Variants in CSTPP1 observed in about 807,000 individuals in gnomAD.
CSTPP1 encodes centriolar satellite-associated tubulin polyglutamylase complex regulator 1.
chr11:47,156,519 G>A, the CSTPP1 span, among the ~76,000 whole-genome samples: 1 of 152,228 alleles, frequency 6.6e-6, no homozygotes, highest in African/African-American at 2.4e-5. Flanking sequence ...ACGCTTTCTT[G>A]AGGTAGAGAG....
chr11:47,099,173 G>A, the CSTPP1 span, among the ~76,000 whole-genome samples: 3 of 152,094 alleles, frequency 2.0e-5, no homozygotes, highest in Non-Finnish European at 4.4e-5. Context: ...AACTTTGAGC[G>A]AATTATTTAT....
the CSTPP1 span, among the ~76,000 whole-genome samples, chr11:46,940,647 A>C: frequency 6.6e-6 from 1 of 152,176 alleles, no homozygotes; most frequent in Non-Finnish European, 1.5e-5. Flanking sequence ...ATATATATAC[A>C]CATATATACA....
chr11:47,027,783 T>C, the CSTPP1 span, among the ~76,000 whole-genome samples: 1 of 152,352 alleles, frequency 6.6e-6, no homozygotes, highest in South Asian at 2.1e-4. Flanking sequence ...ATAGTCCCTG[T>C]TGGATTTCTT....
the CSTPP1 span, among the ~76,000 whole-genome samples, chr11:47,038,717 C>T: frequency 8.0e-6 from 1 of 124,276 alleles, no homozygotes; most frequent in African/African-American, 2.5e-5. Flanking sequence ...AGGTGGCTCC[C>T]GGGCAGAGAC....
the CSTPP1 span, among the ~76,000 whole-genome samples, chr11:47,024,757 T>C: frequency 6.6e-6 from 1 of 152,128 alleles, no homozygotes; most frequent in African/African-American, 2.4e-5. Context: ...TATCCCAGGA[T>C]CTTCAAAAAT....
At chr11:47,018,445 C>T in the CSTPP1 span, among the ~76,000 whole-genome samples, 1 of 151,982 alleles carries the variant, frequency 6.6e-6, no homozygotes, top group Non-Finnish European at 1.5e-5. Flanking sequence ...CAGGCACCTG[C>T]CACTGCGCCT....
chr11:46,984,906 C>T, the CSTPP1 span, among the ~76,000 whole-genome samples: 1 of 152,048 alleles, frequency 6.6e-6, no homozygotes, highest in African/African-American at 2.4e-5. Flanking sequence ...GTTTCCCTGG[C>T]CATTTTCCCT....
At chr11:46,940,444 T>C in the CSTPP1 span, among the ~76,000 whole-genome samples, 1,247 of 152,352 alleles carry the variant, frequency 8.2e-3, 135 homozygotes, top group East Asian at 0.2. Flanking sequence ...TTGCCCTTAA[T>C]AGGTGTTGTA....
chr11:47,133,013 A>C, the CSTPP1 span, among the ~76,000 whole-genome samples: 1 of 152,232 alleles, frequency 6.6e-6, no homozygotes, highest in African/African-American at 2.4e-5. Context: ...ACATTAACTC[A>C]TAACAACTCT....
chr11:47,148,447 GCCA>G, the CSTPP1 span, among the ~76,000 whole-genome samples: 1 of 152,132 alleles, frequency 6.6e-6, no homozygotes, highest in Non-Finnish European at 1.5e-5. Context: ...ACACCCTCCA[GCCA>G]CCACATGACT....
the CSTPP1 span, among the ~76,000 whole-genome samples, chr11:46,996,000 C>G: frequency 6.6e-6 from 1 of 152,144 alleles, no homozygotes; most frequent in Non-Finnish European, 1.5e-5. Flanking sequence ...GTTAGCTCTT[C>G]TTGTTGAATT....
At chr11:47,131,557 C>G in the CSTPP1 span, among the ~76,000 whole-genome samples, 1 of 152,178 alleles carries the variant, frequency 6.6e-6, no homozygotes, top group Non-Finnish European at 1.5e-5. Context: ...ATATAACCAA[C>G]AGAAGAATAT....
chr11:47,075,095 G>A, the CSTPP1 span, among the ~76,000 whole-genome samples: 2 of 152,216 alleles, frequency 1.3e-5, no homozygotes, highest in East Asian at 1.9e-4. Flanking sequence ...AATACGTCAG[G>A]TGTGGTGGCT....
the CSTPP1 span, among the ~76,000 whole-genome samples, chr11:47,079,784 A>G: frequency 6.6e-6 from 1 of 152,168 alleles, no homozygotes; most frequent in African/African-American, 2.4e-5. Flanking sequence ...TTCTTTTTAT[A>G]TGTTCATCTT....
chr11:46,996,778 TG>T, the CSTPP1 span, among the ~76,000 whole-genome samples: 5 of 152,196 alleles, frequency 3.3e-5, no homozygotes, highest in Non-Finnish European at 7.3e-5. Flanking sequence ...AGCATTTGCT[TG>T]TCTGTAAAGG....
At chr11:47,071,214 C>G in the CSTPP1 span, among the ~76,000 whole-genome samples, 1 of 152,104 alleles carries the variant, frequency 6.6e-6, no homozygotes, top group African/African-American at 2.4e-5. Flanking sequence ...TTTATCTTTC[C>G]TTTTTCCCCA....
chr11:47,042,470 T>A, the CSTPP1 span, among the ~76,000 whole-genome samples: 33 of 149,734 alleles, frequency 2.2e-4, no homozygotes, highest in Admixed American at 1.6e-3. Context: ...TGTGTGTGTG[T>A]GAGAGAGAGA....
At chr11:47,038,484 G>A in the CSTPP1 span, among the ~76,000 whole-genome samples, 1 of 110,256 alleles carries the variant, frequency 9.1e-6, no homozygotes, top group African/African-American at 2.7e-5. Flanking sequence ...CCCGGACGGG[G>A]CGGCCGGCCA....
At chr11:47,031,996 T>G in the CSTPP1 span, among the ~76,000 whole-genome samples, 1 of 152,128 alleles carries the variant, frequency 6.6e-6, no homozygotes, top group East Asian at 1.9e-4. Flanking sequence ...TTTCACATTT[T>G]TCTGCCTGCA....
Sources: gnomAD v4.1 joint callset for allele counts (sites outside exome capture counted in the v4.1 genomes callset) on GRCh38, gnomAD v4.1.1 for gene constraint, MANE v1.5 for transcripts, NCBI Gene and HGNC (gene_info 2026-07-23, HGNC 2026-07-21) for gene names.